The following GNB4 variants were observed in gnomAD, a reference collection of about 807,000 sequenced individuals.
GNB4 encodes the protein G protein subunit beta 4.
GNB4 carries 28 observed loss-of-function variants against 45.2 expected under a neutral mutation model. The observed-to-expected ratio is 0.62, with a 90% CI of 0.46 to 0.85. GNB4 has a LOEUF of 0.85. GNB4 is among the 40% of genes least tolerant of loss of function. The probability of loss-of-function intolerance (pLI) is 0.00; values close to 1 mark genes in which losing one functional copy is unlikely to be tolerated. For missense variants in GNB4, 321 were observed against 425.4 expected (o/e 0.75, Z 2.16); for synonymous variants, 132 against 143.7 (o/e 0.92, Z 0.58).
Position 179,398,855 on chromosome 3 carries a change from G to A in GNB4, c.*2358C>T, listed in dbSNP as rs570241793. 7 of 152,206 alleles carry A rather than the reference G, an allele frequency of 4.6e-5. No individual in the cohort carries two copies. The South Asian group carries it at 1.2e-3, about 27-fold the overall frequency. The allele number at this position is 152,206 out of a possible 1,614,324, so 9.4% of individuals were successfully genotyped here. ...AAGTGTTAAATAGTTTTTAGTTGCCGAGTAAATATTTAATTATGGGAATTG... is the reference window on the plus strand; with the variant it reads ...AAGTGTTAAATAGTTTTTAGTTGCCAAGTAAATATTTAATTATGGGAATTG... On this transcript the variant is annotated 3_prime_UTR_variant, in exon 10 of 10. Transcript: ENST00000232564.
chr3:179,465,136 G>T, the GNB4 span: 3 of 1,308,768 alleles, frequency 2.3e-6, no homozygotes, highest in South Asian at 3.5e-5. Context: ...CAGCAGATAT[G>T]ATCAAGGAAG....
intron 1 of GNB4, among the ~76,000 whole-genome samples, chr3:179,438,801 G>A (rs768378302): frequency 6.6e-6 from 1 of 152,144 alleles, no homozygotes; most frequent in African/African-American, 2.4e-5. Flanking sequence ...TTTCAAAGGG[G>A]GAGAGAGAAT....
intron 8 of GNB4, among the ~76,000 whole-genome samples, chr3:179,407,288 G>A (rs754838649): frequency 2.6e-5 from 4 of 151,990 alleles, no homozygotes; most frequent in Non-Finnish European, 4.4e-5. Context: ...GTGAAACCCC[G>A]TCTCTACCAA....
chr3:179,419,278 C>G (rs540139321), intron 4 of GNB4, 121 bp downstream of exon 4: 4 of 706,666 alleles, frequency 5.7e-6, no homozygotes, highest in East Asian at 5.1e-5. Context: ...ATCTGAGATG[C>G]ATTTTCTGCA....
chr3:179,502,947 C>T, the GNB4 span, among the ~76,000 whole-genome samples: 1 of 152,150 alleles, frequency 6.6e-6, no homozygotes, highest in African/African-American at 2.4e-5. Context: ...TCAAGCCGTC[C>T]TCCCACTTCA....
the GNB4 span, among the ~76,000 whole-genome samples, chr3:179,524,745 A>C: frequency 5.7e-4 from 87 of 152,242 alleles, no homozygotes; most frequent in African/African-American, 2.1e-3. Context: ...TTTATATTTG[A>C]TGAAAAAGAG....
the GNB4 span, among the ~76,000 whole-genome samples, chr3:179,505,337 T>G: frequency 1.3e-5 from 2 of 152,340 alleles, no homozygotes; most frequent in Non-Finnish European, 2.9e-5. Context: ...ATTGAGCTTC[T>G]TAAGTCATGA....
intron 1 of GNB4, among the ~76,000 whole-genome samples, chr3:179,429,689 A>T (rs1203385518): frequency 1.3e-5 from 2 of 152,128 alleles, no homozygotes; most frequent in Non-Finnish European, 2.9e-5. Context: ...CCCTGGATGA[A>T]AGCAGCTACC....
chr3:179,493,489 G>T, the GNB4 span, among the ~76,000 whole-genome samples: 1 of 146,660 alleles, frequency 6.8e-6, no homozygotes, highest in Non-Finnish European at 1.5e-5. Flanking sequence ...AAGAATCTAT[G>T]AACTCAAGCA....
chr3:179,475,903 T>C, the GNB4 span, among the ~76,000 whole-genome samples: 1 of 152,236 alleles, frequency 6.6e-6, no homozygotes, highest in African/African-American at 2.4e-5. Flanking sequence ...CTTAATACTG[T>C]CACAGTGGCA....
At chr3:179,471,410 T>C in the GNB4 span, among the ~76,000 whole-genome samples, 7 of 152,166 alleles carry the variant, frequency 4.6e-5, no homozygotes, top group African/African-American at 1.7e-4. Context: ...ATGTATACCA[T>C]TTTTAAATAT....
At chr3:179,507,225 G>GCTTTTTTCTT in the GNB4 span, among the ~76,000 whole-genome samples, 1 of 152,142 alleles carries the variant, frequency 6.6e-6, no homozygotes, top group East Asian at 1.9e-4. Flanking sequence ...CACTAGTCTT[G>GCTTTTTTCTT]CCTCTGCTTT....
chr3:179,506,814 AATTCTC>A, the GNB4 span, among the ~76,000 whole-genome samples: 1 of 152,028 alleles, frequency 6.6e-6, no homozygotes, highest in Non-Finnish European at 1.5e-5. Flanking sequence ...TACCCTCTGT[AATTCTC>A]TATTTAAATA....
intron 9 of GNB4, among the ~76,000 whole-genome samples, chr3:179,404,446 A>C (rs1026984897): frequency 1.3e-5 from 2 of 152,096 alleles, no homozygotes; most frequent in Non-Finnish European, 2.9e-5. Flanking sequence ...AGGTGATTCA[A>C]GCCTGTAATC....
At chr3:179,523,610 C>T in the GNB4 span, among the ~76,000 whole-genome samples, 1 of 152,122 alleles carries the variant, frequency 6.6e-6, no homozygotes, top group Admixed American at 6.5e-5. Flanking sequence ...CTTTAAAAGG[C>T]CATGCTGTAA....
the GNB4 span, among the ~76,000 whole-genome samples, chr3:179,474,287 C>T: frequency 0.015 from 2,345 of 152,074 alleles, 28 homozygotes; most frequent in South Asian, 0.052. Flanking sequence ...TGCAGTAGCA[C>T]GTCTCAGCTC....
At chr3:179,418,172 A>G (rs976271662) in intron 4 of GNB4, among the ~76,000 whole-genome samples, 1 of 152,158 alleles carries the variant, frequency 6.6e-6, no homozygotes, top group Non-Finnish European at 1.5e-5. Context: ...TTTAAGAAAA[A>G]GAATAAGACA....
At chr3:179,497,422 G>T in the GNB4 span, among the ~76,000 whole-genome samples, 1 of 151,926 alleles carries the variant, frequency 6.6e-6, no homozygotes, top group African/African-American at 2.4e-5. Flanking sequence ...TAGAAGAAAA[G>T]CTTCTTCACA....
chr3:179,519,475 G>A, the GNB4 span, among the ~76,000 whole-genome samples: 1 of 152,058 alleles, frequency 6.6e-6, no homozygotes, highest in Non-Finnish European at 1.5e-5. Flanking sequence ...CTTTTCAAGG[G>A]CCTGTTTCCC....
Sources: allele counts gnomAD v4.1 joint callset (sites outside exome capture counted in the v4.1 genomes callset), GRCh38; gene constraint gnomAD v4.1.1; transcripts MANE v1.5; gene names NCBI Gene and HGNC (gene_info 2026-07-23, HGNC 2026-07-21).